Variants in SENP6 observed in about 807,000 individuals in gnomAD.
The protein encoded by SENP6 is SUMO specific peptidase 6, also known as sentrin-specific protease 6.
Under a neutral mutation model 134.5 loss-of-function variants are expected in SENP6, and 41 were observed. That is an observed-to-expected ratio of 0.30 (90% CI 0.24 to 0.40). SENP6 has a LOEUF of 0.40. Ranked by LOEUF, SENP6 falls within the 10% of genes least tolerant of loss-of-function variation. The probability of loss-of-function intolerance (pLI) is 1.00; values close to 1 mark genes in which losing one functional copy is unlikely to be tolerated. For synonymous variants in SENP6, 395 were observed against 429.8 expected (o/e 0.92, Z 1.00); for missense variants, 1,248 against 1,312.5 (o/e 0.95, Z 0.76).
At chr6:75,686,386 C>T (rs1773842516) in intron 16 of SENP6, among the ~76,000 whole-genome samples, 1 of 152,154 alleles carries the variant, frequency 6.6e-6, no homozygotes, top group Non-Finnish European at 1.5e-5. Context: ...GGGCATTTAG[C>T]CCATTTACAT....
At chr6:75,653,272 C>T (rs1382666467) in intron 7 of SENP6, among the ~76,000 whole-genome samples, 2 of 152,260 alleles carry the variant, frequency 1.3e-5, no homozygotes, top group East Asian at 3.9e-4. Flanking sequence ...CTGAGGTGAT[C>T]CCCCCGCCTC....
intron 1 of SENP6, among the ~76,000 whole-genome samples, chr6:75,617,299 G>A (rs1303877799): frequency 1.2e-5 from 1 of 86,528 alleles, no homozygotes; most frequent in Non-Finnish European, 2.1e-5. Context: ...TTGAGACGGA[G>A]TTTCGCTCTT....
chr6:75,639,714 A>G (rs1041008299), intron 5 of SENP6, among the ~76,000 whole-genome samples: 2 of 152,130 alleles, frequency 1.3e-5, no homozygotes, highest in Non-Finnish European at 1.5e-5. Context: ...TGGAACTTTT[A>G]TACATTGGAC....
At chr6:75,611,062 A>G (rs1054321713) in intron 1 of SENP6, 3 of 130,468 alleles carry the variant, frequency 2.3e-5, no homozygotes, top group Admixed American at 2.3e-4. Flanking sequence ...TGTTTCATAT[A>G]TTCAAAAATC....
At chr6:75,624,032 A>G in intron 3 of SENP6, 72 bp downstream of exon 3, 2 of 1,253,162 alleles carry the variant, frequency 1.6e-6, no homozygotes, top group East Asian at 5.1e-5. Context: ...AAGATTTAAT[A>G]TTTTTAAATT....
chr6:75,639,267 G>A (rs565192036), intron 5 of SENP6, among the ~76,000 whole-genome samples: 1 of 152,256 alleles, frequency 6.6e-6, no homozygotes, highest in South Asian at 2.1e-4. Flanking sequence ...TAATAGGGAT[G>A]TGATTATATT....
intron 19 of SENP6, among the ~76,000 whole-genome samples, chr6:75,705,234 T>C (rs1458193356): frequency 6.6e-6 from 1 of 152,188 alleles, no homozygotes; most frequent in Non-Finnish European, 1.5e-5. Flanking sequence ...GAGTCAGTCC[T>C]GTAGTTGTAG....
At chr6:75,609,397 A>G (rs1342222320) in intron 1 of SENP6, among the ~76,000 whole-genome samples, 1 of 152,388 alleles carries the variant, frequency 6.6e-6, no homozygotes, top group African/African-American at 2.4e-5. Flanking sequence ...GCCCAACTTC[A>G]GAAATTTACA....
intron 9 of SENP6, among the ~76,000 whole-genome samples, chr6:75,665,760 C>T (rs1351063417): frequency 6.6e-6 from 1 of 152,112 alleles, no homozygotes; most frequent in African/African-American, 2.4e-5. Context: ...GGTGCGGTGG[C>T]TCACGCCTGT....
chr6:75,668,441 TAAAG>T (rs769931729), intron 10 of SENP6, among the ~76,000 whole-genome samples: 15 of 151,776 alleles, frequency 9.9e-5, no homozygotes, highest in Middle Eastern at 3.4e-3. Flanking sequence ...TTTTAAAAAA[TAAAG>T]AAATAGAGGC....
intron 17 of SENP6, 32 bp downstream of exon 17, chr6:75,695,955 G>C: frequency 3.9e-6 from 6 of 1,545,156 alleles, no homozygotes; most frequent in Non-Finnish European, 5.2e-6. Flanking sequence ...TTTAACAGAT[G>C]TAAGTCACTC....
intron 1 of SENP6, among the ~76,000 whole-genome samples, chr6:75,607,745 T>C (rs1008915286): frequency 2.0e-5 from 3 of 152,244 alleles, no homozygotes; most frequent in Admixed American, 6.5e-5. Flanking sequence ...TGCAATGTTG[T>C]TCTCTACAGA....
chr6:75,712,953 A>G (rs1056230281), intron 21 of SENP6, among the ~76,000 whole-genome samples: 2 of 152,110 alleles, frequency 1.3e-5, no homozygotes, highest in African/African-American at 4.8e-5. Flanking sequence ...AAAAAAATAC[A>G]AAAATTAGCT....
intron 16 of SENP6, among the ~76,000 whole-genome samples, chr6:75,689,682 T>C (rs1179505648): frequency 6.6e-6 from 1 of 152,180 alleles, no homozygotes; most frequent in Non-Finnish European, 1.5e-5. Flanking sequence ...GGCACACAAA[T>C]AGTTTCCATT....
At chr6:75,626,974 T>C (rs977043778) in intron 3 of SENP6, among the ~76,000 whole-genome samples, 1 of 152,184 alleles carries the variant, frequency 6.6e-6, no homozygotes, top group Non-Finnish European at 1.5e-5. Flanking sequence ...TTTTATTTAT[T>C]TATCTATTGA....
Position 75,661,232 on chromosome 6 carries a change from C to T in SENP6, c.696+1825C>T, listed in dbSNP as rs186772072. Among the ~76,000 whole-genome samples the T allele has an allele frequency of 3.0e-3, 461 of 152,320 alleles. 1 individual carries two copies. Among genetic ancestry groups the T allele is most frequent in the Middle Eastern group, 6.8e-3 (2 of 294 alleles). On this transcript the variant is annotated intron_variant, in intron 8 of 23. Transcript: ENST00000447266. ...CGTTGCATGTTTGTAACTCCCTTCTCCAGAGGTAAGTAACTTGACTCCCAT... is the reference window on the plus strand; with the variant it reads ...CGTTGCATGTTTGTAACTCCCTTCTTCAGAGGTAAGTAACTTGACTCCCAT...
At position 75,621,632 on chromosome 6, in the gene SENP6, A is replaced by AT. The variant is rs573890257; in HGVS notation, c.146+16dup. On this transcript the variant is annotated splice_region_variant and intron_variant, in intron 2 of 23. Coordinates refer to ENST00000447266, the MANE Select transcript of SENP6 (RefSeq NM_015571.4). ...AAGGAGATACAGATAAAGAGTAAGG[A>AT]TTTTTTTTTCCCTCAGATGTTTTAT... The AT allele has an allele frequency of 4.5e-4, 686 of 1,526,318 alleles. No homozygotes were observed. Among genetic ancestry groups the AT allele is most frequent in the Middle Eastern group, 6.9e-4 (4 of 5,820 alleles). The allele number at this position is 1,526,318 out of a possible 1,614,324, so 94.5% of individuals were successfully genotyped here.
chr6:75,626,134 G>GTTA (rs1425070989), intron 3 of SENP6, among the ~76,000 whole-genome samples: 1 of 151,630 alleles, frequency 6.6e-6, no homozygotes, highest in South Asian at 2.1e-4. Context: ...GTTTGTTGTT[G>GTTA]TTGTTGTTGT....
intron 1 of SENP6, among the ~76,000 whole-genome samples, chr6:75,607,672 C>T (rs1372311326): frequency 6.6e-6 from 1 of 151,958 alleles, no homozygotes; most frequent in African/African-American, 2.4e-5. Flanking sequence ...CTTTTCATTT[C>T]AGCCTGTCTT....
Sources: allele counts gnomAD v4.1 joint callset (sites outside exome capture counted in the v4.1 genomes callset), GRCh38; gene constraint gnomAD v4.1.1; transcripts MANE v1.5; gene names NCBI Gene and HGNC (gene_info 2026-07-23, HGNC 2026-07-21).